ERI1: variants seen among roughly 807,000 people sequenced by gnomAD.
ERI1 encodes 3'-5' exoribonuclease 1.
Under a neutral mutation model 39.7 loss-of-function variants are expected in ERI1, and 39 were observed. That is an observed-to-expected ratio of 0.98 (90% CI 0.76 to 1.28). The LOEUF is 1.28. ERI1 is among the 50% of genes most tolerant of loss of function. The probability of loss-of-function intolerance (pLI) is 0.00; values close to 1 mark genes in which losing one functional copy is unlikely to be tolerated. For synonymous variants in ERI1, 204 were observed against 149.6 expected (o/e 1.36, Z -2.65); for missense variants, 581 against 416.9 (o/e 1.39, Z -3.43).
intron 3 of ERI1, among the ~76,000 whole-genome samples, chr8:9,078,487 C>G (rs1180327188): frequency 2.0e-5 from 3 of 152,132 alleles, no homozygotes; most frequent in Non-Finnish European, 4.4e-5. Flanking sequence ...AATTCAAACT[C>G]AAGTTTTTTA....
At chr8:9,099,417 G>A (rs1799979896) in intron 3 of ERI1, among the ~76,000 whole-genome samples, 1 of 151,734 alleles carries the variant, frequency 6.6e-6, no homozygotes, top group Non-Finnish European at 1.5e-5. Flanking sequence ...ACAATATAGT[G>A]AGACTTTGTT....
intron 3 of ERI1, among the ~76,000 whole-genome samples, chr8:9,083,796 T>A (rs976396974): frequency 4.1e-4 from 62 of 152,020 alleles, no homozygotes; most frequent in African/African-American, 1.3e-3. Flanking sequence ...TCTATGATTT[T>A]TTTTTCTTTT....
At position 9,011,679 on chromosome 8, in the gene ERI1, G is replaced by T; in HGVS notation, c.425G>T (p.Gly142Val). ...IIDFEATCEE[G>V]NPPEFVHEII... ...GACTTTGAAGCCACTTGTGAAGAAG[G>T]AAACCCACCTGAGTTTGTACATGAA... The change falls in exon 3 of 7, where the codon GGA becomes GTA. Residue 142 changes from glycine to valine, a missense_variant. Transcript: ENST00000250263. The T allele has an allele frequency of 6.2e-7, 1 of 1,613,584 alleles. No homozygotes were observed. Among genetic ancestry groups the T allele is most frequent in the Non-Finnish European group, 8.5e-7 (1 of 1,179,622 alleles).
chr8:9,034,363 G>GTT (rs565633308), downstream of ERI1, among the ~76,000 whole-genome samples: 88 of 152,254 alleles, frequency 5.8e-4, no homozygotes, highest in African/African-American at 2.0e-3. Context: ...GTTTTGTTTT[G>GTT]TTTTTTAACA....
intron 3 of ERI1, among the ~76,000 whole-genome samples, chr8:9,053,329 T>C (rs1438064800): frequency 2.6e-5 from 4 of 152,156 alleles, no homozygotes; most frequent in Non-Finnish European, 4.4e-5. Context: ...TGGCTAATGA[T>C]TTAGCTGATC....
At position 9,003,141 on chromosome 8, in the gene ERI1, CG is replaced by C. The variant is rs1345065759; in HGVS notation, c.82del (p.Glu28ArgfsTer52). 2 of 1,244,544 alleles carry C rather than the reference CG, an allele frequency of 1.6e-6. No homozygotes were observed. The highest frequency in any genetic ancestry group is 1.0e-6 in the Non-Finnish European group (1 of 990,418). The allele number at this position is 1,244,544 out of a possible 1,614,324, so 77.1% of individuals were successfully genotyped here. ...ALLESPRPEG[G>X]EEPPRPSPEE... Reference sequence around the variant, plus strand: ...TGCTGGAGTCGCCGCGGCCGGAGGGCGGGGAGGAGCCGCCGCGTCCCAGTCC... The same window carrying C: ...TGCTGGAGTCGCCGCGGCCGGAGGGCGGGAGGAGCCGCCGCGTCCCAGTCC... On this transcript the variant is annotated frameshift_variant, in exon 1 of 7. Coordinates refer to ENST00000250263, the MANE Select transcript of ERI1 (RefSeq NM_153332.4). LOFTEE classifies it high-confidence loss of function.
chr8:9,017,545 G>T (rs1173182724), intron 4 of ERI1, among the ~76,000 whole-genome samples: 1 of 152,200 alleles, frequency 6.6e-6, no homozygotes, highest in Non-Finnish European at 1.5e-5. Context: ...TTTTATTGCG[G>T]TGTTGTGGAC....
chr8:9,013,003 C>G (rs1274943669), intron 3 of ERI1, among the ~76,000 whole-genome samples: 1 of 148,838 alleles, frequency 6.7e-6, no homozygotes, highest in African/African-American at 2.5e-5. Context: ...TAACTCCTGG[C>G]AAAATTGACC....
intron 3 of ERI1, among the ~76,000 whole-genome samples, chr8:9,092,570 G>GT (rs1472869968): frequency 6.6e-6 from 1 of 152,202 alleles, no homozygotes; most frequent in South Asian, 2.1e-4. Flanking sequence ...ATGAGCAATT[G>GT]TTTTCCTTCG....
At chr8:9,027,031 G>GA (rs1204544490) in intron 6 of ERI1, among the ~76,000 whole-genome samples, 1 of 151,994 alleles carries the variant, frequency 6.6e-6, no homozygotes, top group Admixed American at 6.6e-5. Flanking sequence ...TTTTTTTGAG[G>GA]AATCTCCACA....
chr8:9,025,702 T>TTG (rs771883402), intron 6 of ERI1, among the ~76,000 whole-genome samples: 3,559 of 147,816 alleles, frequency 0.024, 58 homozygotes, highest in South Asian at 0.063. Flanking sequence ...TCTTTTTTTT[T>TTG]TGTGTGTGTG....
intron 3 of ERI1, among the ~76,000 whole-genome samples, chr8:9,076,361 C>A (rs1442598489): frequency 6.6e-6 from 1 of 152,172 alleles, no homozygotes; most frequent in Non-Finnish European, 1.5e-5. Flanking sequence ...CCATAAAATT[C>A]CCTAAAGGAA....
Position 9,016,307 on chromosome 8 carries a change from A to C in ERI1, c.499-15A>C, listed in dbSNP as rs188096743. 6.4e-7 allele frequency: 1 copy of C among 1,556,048 alleles called. No individual in the cohort carries two copies. The highest frequency in any genetic ancestry group is 8.8e-7 in the Non-Finnish European group (1 of 1,139,280). ...CTCATATAAATTACTTTAACTTGCT[A>C]TCCTTCCCTTGCAGGAAGACACGTT... On this transcript the variant is annotated splice_polypyrimidine_tract_variant and intron_variant, in intron 3 of 6. Coordinates refer to ENST00000250263, the MANE Select transcript of ERI1 (RefSeq NM_153332.4).
chr8:9,060,189 T>C (rs546270822), intron 3 of ERI1, among the ~76,000 whole-genome samples: 3 of 152,246 alleles, frequency 2.0e-5, no homozygotes, highest in Non-Finnish European at 4.4e-5. Flanking sequence ...GTGATTTGAC[T>C]AATAAAGGCT....
intron 1 of ERI1, among the ~76,000 whole-genome samples, chr8:9,005,429 G>A (rs577803840): frequency 1.4e-3 from 212 of 151,676 alleles, no homozygotes; most frequent in African/African-American, 4.7e-3. Context: ...TTCCCAATAA[G>A]AAGAGGACAG....
At chr8:9,040,034 A>G (rs1421264472) in intron 3 of ERI1, among the ~76,000 whole-genome samples, 1 of 152,146 alleles carries the variant, frequency 6.6e-6, no homozygotes, top group Non-Finnish European at 1.5e-5. Flanking sequence ...GTCCAAGGGT[A>G]TTTTTCCTTC....
chr8:9,015,788 TAC>T (rs1290773766), intron 3 of ERI1, among the ~76,000 whole-genome samples: 3 of 149,140 alleles, frequency 2.0e-5, no homozygotes, highest in African/African-American at 7.5e-5. Flanking sequence ...TTACTGTAGA[TAC>T]ACAGTGTTAG....
At chr8:9,092,461 T>C (rs1226042233) in intron 3 of ERI1, among the ~76,000 whole-genome samples, 1 of 152,218 alleles carries the variant, frequency 6.6e-6, no homozygotes, top group Non-Finnish European at 1.5e-5. Context: ...AGCCACAAAC[T>C]GGTTCATTGG....
intron 3 of ERI1, among the ~76,000 whole-genome samples, chr8:9,086,584 C>G (rs1244938630): frequency 2.6e-5 from 4 of 152,090 alleles, no homozygotes; most frequent in Admixed American, 1.3e-4. Context: ...TTCTGTTTGA[C>G]CCATAGTTTG....
Sources: allele counts gnomAD v4.1 joint callset (sites outside exome capture counted in the v4.1 genomes callset), GRCh38; gene constraint gnomAD v4.1.1; transcripts MANE v1.5; gene names NCBI Gene and HGNC (gene_info 2026-07-23, HGNC 2026-07-21).